Variants in DNAH8 observed in about 807,000 individuals in gnomAD.
DNAH8 encodes axonemal beta dynein heavy chain 8.
DNAH8 carries 382 observed loss-of-function variants against 562.1 expected under a neutral mutation model. That is an observed-to-expected ratio of 0.68 (90% CI 0.63 to 0.74). The LOEUF (loss-of-function observed/expected upper bound fraction) is 0.74, where lower values mean the gene tolerates loss of function less well. Ranked by LOEUF, DNAH8 falls within the 30% of genes least tolerant of loss-of-function variation. DNAH8 has a pLI of 0.00. For missense variants in DNAH8, 5,203 were observed against 5,620.4 expected, an observed-to-expected ratio of 0.93 and a Z score of 2.37; for synonymous variants, 1,881 against 1,919.4, an observed-to-expected ratio of 0.98 and a Z score of 0.52.
At chr6:38,912,123 G>T (rs1022480570) in intron 66 of DNAH8, among the ~76,000 whole-genome samples, 83 of 152,254 alleles carry the variant, frequency 5.5e-4, no homozygotes, top group Admixed American at 1.8e-3. Flanking sequence ...AAAGCATGTG[G>T]CCCAAACAAT....
At position 38,935,577 on chromosome 6, in the gene DNAH8, G is replaced by T. The variant is rs1782882144; in HGVS notation, c.11458-15G>T. The T allele has an allele frequency of 3.2e-6, 5 of 1,568,942 alleles. No individual in the cohort carries two copies. Among genetic ancestry groups the T allele is most frequent in the Admixed American group, 3.6e-5 (2 of 55,830 alleles). On this transcript the variant is annotated splice_polypyrimidine_tract_variant and intron_variant, in intron 76 of 92. Coordinates refer to ENST00000327475, the MANE Select transcript of DNAH8 (RefSeq NM_001206927.2). Reference sequence around the variant, plus strand: ...AATTATAGTTCCAATGTTATTTTTTGTTTTTTAATGACAGGAGTTAGAGGC... The same window carrying T: ...AATTATAGTTCCAATGTTATTTTTTTTTTTTTAATGACAGGAGTTAGAGGC...
At chr6:38,984,470 G>A (rs1212662694) in intron 87 of DNAH8, 163 bp downstream of exon 87, 6 of 507,092 alleles carry the variant, frequency 1.2e-5, no homozygotes, top group African/African-American at 4.1e-5. Context: ...GCACACACAT[G>A]CACACACACA....
intron 33 of DNAH8, 52 bp from the exon 34 acceptor site, chr6:38,842,316 A>C: frequency 1.4e-6 from 2 of 1,450,628 alleles, no homozygotes; most frequent in Non-Finnish European, 1.9e-6. Flanking sequence ...CCAATAATGG[A>C]CTTTATTAAA....
In DNAH8 at chr6:38,951,374, TGGA is replaced by T. The variant is rs755971568; in HGVS notation, c.12310_12312del (p.Glu4104del). ...GCAAGAAAGTATATTGCAGATTCTT[TGGA>T]GGAGAAGTACACAGAACCAGTTATC... On this transcript the variant is annotated inframe_deletion, in exon 82 of 93. Coordinates refer to ENST00000327475, the MANE Select transcript of DNAH8 (RefSeq NM_001206927.2). 1.2e-6 allele frequency: 2 copies of T among 1,614,190 alleles called. No individual in the cohort carries two copies. The highest frequency in any genetic ancestry group is 1.3e-5 in the African/African-American group (1 of 75,038).
intron 47 of DNAH8, among the ~76,000 whole-genome samples, chr6:38,867,729 G>A (rs1490854323): frequency 3.7e-5 from 5 of 134,264 alleles, no homozygotes; most frequent in Non-Finnish European, 7.7e-5. Context: ...CTTCAGCCTG[G>A]ATGACAGAGT....
chr6:39,029,651 G>A (rs1767537911), intron 92 of DNAH8, among the ~76,000 whole-genome samples: 1 of 152,154 alleles, frequency 6.6e-6, no homozygotes, highest in Non-Finnish European at 1.5e-5. Context: ...GGGCCTGGCT[G>A]TGGAAACCTC....
At chr6:38,892,476 A>C (rs1779403267) in intron 58 of DNAH8, among the ~76,000 whole-genome samples, 1 of 152,120 alleles carries the variant, frequency 6.6e-6, no homozygotes, top group Non-Finnish European at 1.5e-5. Flanking sequence ...ACTGGGCACC[A>C]TCCTTGATTT....
intron 10 of DNAH8, 105 bp downstream of exon 10, chr6:38,756,184 A>C: frequency 1.4e-6 from 1 of 729,206 alleles, no homozygotes; most frequent in Non-Finnish European, 2.5e-6. Context: ...TGCCTCTCAG[A>C]GTTTTAATAC....
chr6:38,741,618 T>C (rs1259419197), intron 7 of DNAH8, 93 bp from the exon 8 acceptor site: 18 of 1,097,930 alleles, frequency 1.6e-5, no homozygotes, highest in African/African-American at 4.8e-5. Context: ...TTGAACATTA[T>C]TTATACTTTC....
At chr6:38,747,531 C>T (rs1765056297) in intron 8 of DNAH8, among the ~76,000 whole-genome samples, 2 of 152,020 alleles carry the variant, frequency 1.3e-5, no homozygotes, top group Admixed American at 1.3e-4. Context: ...GGACTACAGG[C>T]ACATGCCACC....
chr6:38,964,662 A>G (rs1015613059), intron 82 of DNAH8, among the ~76,000 whole-genome samples: 1 of 152,050 alleles, frequency 6.6e-6, no homozygotes, highest in African/African-American at 2.4e-5. Flanking sequence ...ATGAACAAGA[A>G]TGCATATGAC....
intron 85 of DNAH8, among the ~76,000 whole-genome samples, chr6:38,977,785 A>G (rs1205717112): frequency 2.0e-5 from 3 of 152,170 alleles, no homozygotes; most frequent in Non-Finnish European, 2.9e-5. Context: ...TTGATTGTCA[A>G]TGTGCCACTC....
intron 87 of DNAH8, among the ~76,000 whole-genome samples, chr6:38,986,372 A>G (rs1367365528): frequency 6.6e-6 from 1 of 152,214 alleles, no homozygotes; most frequent in Non-Finnish European, 1.5e-5. Flanking sequence ...ATAAAGGAAT[A>G]TATGCATAGT....
chr6:38,902,660 G>C (rs917928903), intron 62 of DNAH8, among the ~76,000 whole-genome samples: 2 of 152,140 alleles, frequency 1.3e-5, no homozygotes, highest in East Asian at 3.9e-4. Context: ...AGTCGTTCCT[G>C]TGTCATTGTG....
At position 38,905,480 on chromosome 6, in the gene DNAH8, A is replaced by G. The variant is rs2206604; in HGVS notation, c.9195-774A>G. 0.012 allele frequency among the ~76,000 whole-genome samples: 1,786 copies of G among 152,290 alleles called. 90 individuals carry two copies. In the East Asian group the frequency reaches 0.15, roughly 13 times the overall value. On this transcript the variant is annotated intron_variant, in intron 62 of 92. Coordinates refer to ENST00000327475, the MANE Select transcript of DNAH8 (RefSeq NM_001206927.2). Reference sequence around the variant, plus strand: ...GGTTTTCTTTGTATCTAGCCACTTAATGAGCTGTGCAAATTGCCACTATAT... The same window carrying G: ...GGTTTTCTTTGTATCTAGCCACTTAGTGAGCTGTGCAAATTGCCACTATAT...
intron 42 of DNAH8, among the ~76,000 whole-genome samples, chr6:38,859,026 T>A (rs1776411376): frequency 6.6e-6 from 1 of 152,180 alleles, no homozygotes; most frequent in Non-Finnish European, 1.5e-5. Context: ...ATGAAACCAT[T>A]TTCTTTTATC....
At position 38,860,735 on chromosome 6, in the gene DNAH8, G is replaced by T. The variant is rs1776557882; in HGVS notation, c.6131+106G>T. On this transcript the variant is annotated intron_variant, in intron 43 of 92. Transcript: ENST00000327475. ...ACAAAAGCAGATTTCTGTCATGCTG[G>T]GTAGATGCTAGCTCATTAAAGTCAG... 3.9e-6 allele frequency: 3 copies of T among 772,732 alleles called. No homozygotes were observed. The South Asian group carries it at 8.2e-5, about 21-fold the overall frequency. The allele number at this position is 772,732 out of a possible 1,614,324, so 47.9% of individuals were successfully genotyped here.
chr6:38,788,495 G>C (rs1310852509), intron 18 of DNAH8, among the ~76,000 whole-genome samples: 1 of 152,026 alleles, frequency 6.6e-6, no homozygotes, highest in Non-Finnish European at 1.5e-5. Flanking sequence ...AGTGTGAGGT[G>C]GTATCTCCTT....
At position 38,783,010 on chromosome 6, in the gene DNAH8, T is replaced by TC; in HGVS notation, c.2267dup (p.Asp757ArgfsTer9). 1 of 1,610,640 alleles carries TC rather than the reference T, an allele frequency of 6.2e-7. No homozygotes were observed. Among genetic ancestry groups the TC allele is most frequent in the Middle Eastern group, 1.7e-4 (1 of 6,040 alleles). The stretch of plus-strand genomic sequence containing the variant: ...TTTTCCCTTAAAAAAACAGAAAAAC[T>TC]CAGACATTTTATCAAGTCCGGACGG... On this transcript the variant is annotated frameshift_variant, in exon 17 of 93. Transcript: ENST00000327475. LOFTEE classifies it high-confidence loss of function.
Sources: gnomAD v4.1 joint callset for allele counts (sites outside exome capture counted in the v4.1 genomes callset) on GRCh38, gnomAD v4.1.1 for gene constraint, MANE v1.5 for transcripts, NCBI Gene and HGNC (gene_info 2026-07-23, HGNC 2026-07-21) for gene names.